Variants in UPF2 observed in about 807,000 individuals in gnomAD.
UPF2 encodes the protein regulator of nonsense transcripts 2.
UPF2 carries 17 observed loss-of-function variants against 141.4 expected under a neutral mutation model. That is an observed-to-expected ratio of 0.12 (90% confidence interval 0.08 to 0.18). The LOEUF is 0.18. Among genes scored for constraint, UPF2 ranks in the 10% least tolerant of loss-of-function variants. UPF2 has a pLI of 1.00. For synonymous variants in UPF2, 540 were observed against 498.0 expected (o/e 1.08, Z -1.12); for missense variants, 1,152 against 1,515.9 (o/e 0.76, Z 3.99).
At position 12,035,302 on chromosome 10, in the gene UPF2, A is replaced by T; in HGVS notation, c.122T>A (p.Ile41Asn). 1.2e-6 allele frequency: 2 copies of T among 1,613,670 alleles called. No homozygotes were observed. The highest frequency in any genetic ancestry group is 2.2e-5 in the South Asian group (2 of 91,052). ...GACCTCCTTCTTGGCAGTGAGCTTG[A>T]TATCGTCTTTTGGCCTCTCCTTGCT... ...VSSKERPKDD[I>N]KLTAKKEVSK... The change falls in exon 2 of 22, where the codon ATC (isoleucine) becomes AAC (asparagine). Residue 41 changes from isoleucine (I) to asparagine (N), a missense_variant. Physicochemically the swap from Ile to Asn is moderately radical, Grantham distance 149 (BLOSUM62 -3). Coordinates refer to ENST00000357604, the MANE Select transcript of UPF2 (RefSeq NM_015542.4).
Position 12,029,049 on chromosome 10 carries a change from T to C in UPF2, c.841A>G (p.Lys281Glu). The C allele has an allele frequency of 6.2e-7, 1 of 1,614,212 alleles. No individual in the cohort carries two copies. Among genetic ancestry groups the C allele is most frequent in the Non-Finnish European group, 8.5e-7 (1 of 1,180,048 alleles). ...ELTIVGIFTD[K>E]EGLSLIYEQL... ...TCATAGATTAAGGAAAGACCTTCCT[T>C]GTCAGTGAAAATCCCAACTATTGTC... The change falls in exon 3 of 22, where the codon AAG becomes GAG. Residue 281 changes from lysine (K) to glutamate (E), a missense_variant. Lys to Glu is a moderately conservative substitution (Grantham distance 56, BLOSUM62 1). Coordinates refer to ENST00000357604, the MANE Select transcript of UPF2 (RefSeq NM_015542.4).
At chr10:12,030,940 C>T (rs1388772654) in intron 2 of UPF2, among the ~76,000 whole-genome samples, 5 of 151,026 alleles carry the variant, frequency 3.3e-5, no homozygotes, top group Admixed American at 6.6e-5. Flanking sequence ...TTTGGGAGGC[C>T]GAGGCGGGTG....
chr10:11,931,808 C>T lies in UPF2; in HGVS notation c.3547-26G>A. 1 of 1,583,022 alleles carries T rather than the reference C, an allele frequency of 6.3e-7. No individual in the cohort carries two copies. Among genetic ancestry groups the T allele is most frequent in the Non-Finnish European group, 8.5e-7 (1 of 1,171,110 alleles). On this transcript the variant is annotated intron_variant, in intron 19 of 21. Coordinates refer to ENST00000357604, the MANE Select transcript of UPF2 (RefSeq NM_015542.4). The surrounding 1 kb of genome is among the most constrained non-coding windows in gnomAD (Gnocchi z 5.9). The stretch of plus-strand genomic sequence containing the variant: ...CTGGGAGAAAATAACAAAGGAGTTA[C>T]AAATAGTTTGAGAACACTGAGAGAA...
chr10:11,925,047 G>A (rs942508844), intron 21 of UPF2, among the ~76,000 whole-genome samples: 3 of 152,100 alleles, frequency 2.0e-5, no homozygotes, highest in Non-Finnish European at 4.4e-5. Context: ...TCGAACTCCT[G>A]ACCTCAGGTG....
intron 1 of UPF2, among the ~76,000 whole-genome samples, chr10:12,041,465 A>G (rs561112126): frequency 6.0e-4 from 91 of 152,330 alleles, no homozygotes; most frequent in African/African-American, 2.2e-3. Flanking sequence ...TGAACTTCCA[A>G]AAGAAAGTAA....
intron 1 of UPF2, among the ~76,000 whole-genome samples, chr10:12,040,962 G>A (rs930933894): frequency 6.6e-6 from 1 of 152,086 alleles, no homozygotes; most frequent in Non-Finnish European, 1.5e-5. Flanking sequence ...ACATTCCAAG[G>A]ATAGCAGCAG....
chr10:11,981,980 A>G (rs750252006), intron 8 of UPF2, among the ~76,000 whole-genome samples: 1 of 152,136 alleles, frequency 6.6e-6, no homozygotes, highest in Non-Finnish European at 1.5e-5. Context: ...CACTGCGCCC[A>G]GCCCCTATAA....
chr10:11,967,601 G>C, intron 9 of UPF2, 147 bp from the exon 10 acceptor site: 1 of 503,506 alleles, frequency 2.0e-6, no homozygotes. Context: ...CCAGGCTGGA[G>C]TGCAACGGTG....
At chr10:11,986,114 G>A (rs924636751) in intron 8 of UPF2, among the ~76,000 whole-genome samples, 2 of 151,714 alleles carry the variant, frequency 1.3e-5, no homozygotes, top group African/African-American at 4.8e-5. Context: ...TCGATCTCCT[G>A]ACCTTGTGAT....
At chr10:12,003,322 C>T (rs113734645) in intron 5 of UPF2, among the ~76,000 whole-genome samples, 1 of 152,080 alleles carries the variant, frequency 6.6e-6, no homozygotes, top group Non-Finnish European at 1.5e-5. Flanking sequence ...AAAATGTGAC[C>T]CTTGCTCTCA....
intron 1 of UPF2, among the ~76,000 whole-genome samples, chr10:12,040,722 A>T (rs1834721835): frequency 1.3e-5 from 2 of 152,360 alleles, no homozygotes; most frequent in South Asian, 4.1e-4. Context: ...GCAGCCTGAT[A>T]GCTACAGAAA....
chr10:12,010,797 G>T (rs1164923472), intron 4 of UPF2, among the ~76,000 whole-genome samples: 1 of 151,892 alleles, frequency 6.6e-6, no homozygotes, highest in Non-Finnish European at 1.5e-5. Context: ...ACTAATGCTT[G>T]AAATCAGCGA....
In UPF2 at chr10:11,921,754, G is replaced by A. The variant is rs1050217688; in HGVS notation, c.3810-447C>T. On this transcript the variant is annotated intron_variant, in intron 21 of 21. Transcript: ENST00000357604. The surrounding 1 kb of genome is among the most constrained non-coding windows in gnomAD (Gnocchi z 5.9). ...TGAGAGCATTCATGCTCTCTACTGA[G>A]CTACAACTTAACCAGAGCCATTGGA... Among the ~76,000 whole-genome samples the A allele has an allele frequency of 2.0e-5, 3 of 152,148 alleles. No homozygotes were observed. Among genetic ancestry groups the A allele is most frequent in the Non-Finnish European group, 4.4e-5 (3 of 68,034 alleles).
At chr10:11,994,975 CAAAAAAAAAAAAAAA>C (rs60922532) in intron 8 of UPF2, among the ~76,000 whole-genome samples, 29 of 51,362 alleles carry the variant, frequency 5.6e-4, no homozygotes, top group East Asian at 2.5e-3. Context: ...GACTCCATCT[CAAAAAAAAAAAAAAA>C]AAAAAAAAAA....
At chr10:12,005,013 A>C (rs536585109) in intron 4 of UPF2, among the ~76,000 whole-genome samples, 1 of 152,314 alleles carries the variant, frequency 6.6e-6, no homozygotes, top group South Asian at 2.1e-4. Flanking sequence ...TTGATAAATT[A>C]GGTCTACTTT....
chr10:11,935,550 G>T lies in UPF2; in HGVS notation c.3546+995C>A, dbSNP rs1168793259. Among the ~76,000 whole-genome samples the T allele has an allele frequency of 6.6e-6, 1 of 152,108 alleles. No individual in the cohort carries two copies. Among genetic ancestry groups the T allele is most frequent in the Non-Finnish European group, 1.5e-5 (1 of 68,018 alleles). Reference sequence around the variant, plus strand: ...CACAGGATTTCATGGACTCTAAGAAGCAACTTGATCTCAGAAATGTTAAGA... The same window carrying T: ...CACAGGATTTCATGGACTCTAAGAATCAACTTGATCTCAGAAATGTTAAGA... On this transcript the variant is annotated intron_variant, in intron 19 of 21. Transcript: ENST00000357604. This position sits in a 1 kb window ranked among gnomAD's most constrained non-coding sequence, Gnocchi z 4.9.
rs1007528906 is a variant in UPF2 at position 11,952,132 on chromosome 10, A to C, written c.2968T>G (p.Cys990Gly). Reference protein sequence around the residue: ...LELLRPKIKLCNSLEESIRQV... With the variant: ...LELLRPKIKLGNSLEESIRQV... ...CTGATGGATTCTTCCAGAGAATTACAGAGTTTGATCTTTGGTCTTAGCAGT... is the reference window on the plus strand; with the variant it reads ...CTGATGGATTCTTCCAGAGAATTACCGAGTTTGATCTTTGGTCTTAGCAGT... Residue 990 changes from cysteine (C) to glycine (G), a missense_variant, in exon 15 of 22, where the codon TGT becomes GGT. Cys to Gly is a radical substitution (Grantham distance 159). Transcript: ENST00000357604. 2 of 1,614,128 alleles carry C rather than the reference A, an allele frequency of 1.2e-6. No homozygotes were observed. The highest frequency in any genetic ancestry group is 8.5e-7 in the Non-Finnish European group (1 of 1,179,986).
chr10:12,004,726 T>C lies in UPF2; in HGVS notation c.1308A>G (p.Glu436=). The part of the protein sequence containing the change: ...DLPQDKPTPE[E]HGPGIDIFTP... ...TGAATATATCAATTCCAGGCCCATG[T>C]TCTACAATAAAATAAATCACAAGTA... The change falls in exon 5 of 22, where the codon GAA becomes GAG. Residue 436 remains glutamate, a splice_region_variant and synonymous_variant. Coordinates refer to ENST00000357604, the MANE Select transcript of UPF2 (RefSeq NM_015542.4). 1.2e-6 allele frequency: 2 copies of C among 1,610,188 alleles called. No homozygotes were observed. The highest frequency in any genetic ancestry group is 2.2e-5 in the South Asian group (2 of 89,794).
At chr10:11,938,904 C>A (rs1248256353) in intron 18 of UPF2, among the ~76,000 whole-genome samples, 5 of 111,296 alleles carry the variant, frequency 4.5e-5, no homozygotes, top group Non-Finnish European at 6.8e-5. Context: ...CTCACTCTGT[C>A]CCCCCCATGC....
Sources: allele counts gnomAD v4.1 joint callset (sites outside exome capture counted in the v4.1 genomes callset), GRCh38; gene constraint gnomAD v4.1.1; non-coding constraint Gnocchi (gnomAD v3.1); transcripts MANE v1.5; gene names NCBI Gene and HGNC (gene_info 2026-07-23, HGNC 2026-07-21).